The following SYBU variants were observed in gnomAD, a reference collection of about 807,000 sequenced individuals.
SYBU encodes GOLSYN A protein.
SYBU carries 21 observed loss-of-function variants against 35.9 expected under a neutral mutation model. The ratio of observed to expected loss-of-function variants is 0.58; its 90% CI spans 0.41 to 0.84. The LOEUF (loss-of-function observed/expected upper bound fraction) is 0.84. Among genes scored for constraint, SYBU ranks in the 40% least tolerant of loss-of-function variants. SYBU has a pLI of 0.00. For synonymous variants in SYBU, 319 were observed against 324.3 expected (o/e 0.98, Z 0.18); for missense variants, 768 against 848.2 (o/e 0.91, Z 1.17).
At chr8:109,668,302 C>T (rs188167478) in intron 1 of SYBU, among the ~76,000 whole-genome samples, 51 of 151,820 alleles carry the variant, frequency 3.4e-4, no homozygotes, top group Middle Eastern at 6.8e-3. Flanking sequence ...CTTACTGAAC[C>T]ATTTTGTTGC....
chr8:109,690,584 G>C (rs3108855), intron 1 of SYBU, among the ~76,000 whole-genome samples: 19,345 of 152,168 alleles, frequency 0.13, 1,456 homozygotes, highest in East Asian at 0.4. Context: ...GCTGGACACT[G>C]GGGAAGATAA....
At chr8:109,662,791 G>A (rs1402029685) in intron 1 of SYBU, among the ~76,000 whole-genome samples, 1 of 152,052 alleles carries the variant, frequency 6.6e-6, no homozygotes, top group Non-Finnish European at 1.5e-5. Context: ...TTCTGAACCA[G>A]AGTATAGGTT....
chr8:109,587,285 G>A (rs980674645), intron 3 of SYBU, among the ~76,000 whole-genome samples: 1 of 152,136 alleles, frequency 6.6e-6, no homozygotes, highest in African/African-American at 2.4e-5. Context: ...TTTATTGAGT[G>A]TTTACTAGGT....
At chr8:109,578,157 T>C in intron 5 of SYBU, 140 bp from the exon 6 acceptor site, 1 of 937,804 alleles carries the variant, frequency 1.1e-6, no homozygotes, top group South Asian at 1.9e-5. Context: ...AATATGACGG[T>C]ATTAGGTGGT....
intron 3 of SYBU, among the ~76,000 whole-genome samples, chr8:109,615,997 C>T (rs376918218): frequency 3.0e-4 from 29 of 95,978 alleles, no homozygotes; most frequent in African/African-American, 1.0e-3. Context: ...CTTTTCTTTT[C>T]TTTTCTTTCT....
At chr8:109,642,297 G>A (rs1272919400) in intron 2 of SYBU, among the ~76,000 whole-genome samples, 1 of 146,680 alleles carries the variant, frequency 6.8e-6, no homozygotes, top group Admixed American at 6.6e-5. Context: ...GGCCTGTCAG[G>A]GGGTGGGGGC....
intron 1 of SYBU, among the ~76,000 whole-genome samples, chr8:109,671,234 G>GTT (rs71564051): frequency 5.3e-5 from 8 of 151,452 alleles, no homozygotes; most frequent in East Asian, 1.9e-4. Flanking sequence ...AGCATTTCCA[G>GTT]TTTTTTTTTC....
At chr8:109,642,661 G>T in intron 2 of SYBU, 67 bp downstream of exon 2, 3 of 1,113,196 alleles carry the variant, frequency 2.7e-6, no homozygotes, top group Non-Finnish European at 2.5e-6. Context: ...CCCAGTATGG[G>T]CCCATTCACA....
chr8:109,633,435 G>A (rs1813855914), intron 2 of SYBU, among the ~76,000 whole-genome samples: 1 of 152,198 alleles, frequency 6.6e-6, no homozygotes, highest in African/African-American at 2.4e-5. Context: ...TAGCATAGCT[G>A]TACATTTGAA....
At chr8:109,622,989 A>G (rs183426837) in intron 2 of SYBU, among the ~76,000 whole-genome samples, 1 of 152,224 alleles carries the variant, frequency 6.6e-6, no homozygotes, top group African/African-American at 2.4e-5. Context: ...CTGTTGGTCC[A>G]TTACAGAGAG....
chr8:109,616,042 C>T (rs373421240), intron 3 of SYBU, among the ~76,000 whole-genome samples: 15 of 79,806 alleles, frequency 1.9e-4, no homozygotes, highest in African/African-American at 5.8e-4. Flanking sequence ...GACAGAGTCT[C>T]GCTCTGTCAC....
At chr8:109,603,451 G>A (rs909007912) in intron 3 of SYBU, 6 of 979,212 alleles carry the variant, frequency 6.1e-6, no homozygotes, top group Non-Finnish European at 4.9e-6. Flanking sequence ...GTGACATCTG[G>A]CACAAAGCAC....
At chr8:109,591,934 CTG>C (rs1361785119) in intron 3 of SYBU, among the ~76,000 whole-genome samples, 4 of 152,074 alleles carry the variant, frequency 2.6e-5, no homozygotes, top group Non-Finnish European at 5.9e-5. Flanking sequence ...TACTTGCTCT[CTG>C]TGGTGCCTTG....
chr8:109,632,619 C>G (rs1205496156), intron 2 of SYBU, among the ~76,000 whole-genome samples: 2 of 151,364 alleles, frequency 1.3e-5, no homozygotes, highest in Non-Finnish European at 2.9e-5. Context: ...TTTTAGATAA[C>G]ATTTATATCA....
At chr8:109,618,714 A>C (rs1812093867) in intron 3 of SYBU, 128 bp downstream of exon 3, 2 of 881,142 alleles carry the variant, frequency 2.3e-6, no homozygotes, top group South Asian at 1.6e-5. Context: ...CCTCCTTTAA[A>C]AATGATGCTT....
At chr8:109,576,041 TTAA>T (rs1822255431) in intron 6 of SYBU, 28 bp from the exon 7 acceptor site, 3 of 754,106 alleles carry the variant, frequency 4.0e-6, no homozygotes, top group South Asian at 4.4e-5. Flanking sequence ...GCATGGTTAA[TTAA>T]AAAAAAAAAA....
intron 3 of SYBU, among the ~76,000 whole-genome samples, chr8:109,597,469 G>GC (rs1181586209): frequency 2.0e-5 from 3 of 152,080 alleles, no homozygotes; most frequent in Admixed American, 1.3e-4. Flanking sequence ...TGTAATCCCA[G>GC]CACTTTGGGA....
chr8:109,645,165 A>T (rs1306646477), upstream of SYBU: 4 of 457,550 alleles, frequency 8.7e-6, no homozygotes, highest in African/African-American at 6.0e-5. Flanking sequence ...AAGCTGCGAC[A>T]TCACAGAGAG....
chr8:109,635,204 A>G (rs1204855890), intron 2 of SYBU, among the ~76,000 whole-genome samples: 3 of 152,214 alleles, frequency 2.0e-5, no homozygotes, highest in Non-Finnish European at 4.4e-5. Context: ...GCTGAAGATG[A>G]CTGATAACCT....
Sources: allele counts gnomAD v4.1 joint callset (sites outside exome capture counted in the v4.1 genomes callset), GRCh38; gene constraint gnomAD v4.1.1; transcripts MANE v1.5; gene names NCBI Gene and HGNC (gene_info 2026-07-23, HGNC 2026-07-21).